Variants in CAST observed in about 807,000 individuals in gnomAD.
The protein encoded by CAST is MIR583 host.
Under a neutral mutation model 119.6 loss-of-function variants are expected in CAST, and 76 were observed. That is an observed-to-expected ratio of 0.64 (90% confidence interval 0.53 to 0.77). CAST has a LOEUF of 0.77. Ranked by LOEUF, CAST falls within the 30% of genes least tolerant of loss-of-function variation. The probability of loss-of-function intolerance (pLI) is 0.00; values close to 1 mark genes in which losing one functional copy is unlikely to be tolerated. For missense variants in CAST, 953 were observed against 946.5 expected (o/e 1.01, Z -0.09); for synonymous variants, 319 against 331.6 (o/e 0.96, Z 0.41).
At chr5:96,210,944 TATTTTTA>T in the CAST span, among the ~76,000 whole-genome samples, 1 of 152,026 alleles carries the variant, frequency 6.6e-6, no homozygotes, top group Non-Finnish European at 1.5e-5. Context: ...TTGTAAGTTG[TATTTTTA>T]ATTTTGGTGT....
chr5:96,694,454 G>A (rs547146807), intron 2 of CAST, among the ~76,000 whole-genome samples: 6 of 152,154 alleles, frequency 3.9e-5, no homozygotes, highest in South Asian at 2.1e-4. Context: ...TGGCTAACAC[G>A]CTGAAACCCT....
the CAST span, among the ~76,000 whole-genome samples, chr5:96,216,310 AC>A: frequency 6.6e-6 from 1 of 151,944 alleles, no homozygotes; most frequent in Non-Finnish European, 1.5e-5. Context: ...AGCTCCCCTA[AC>A]CCCCACATTG....
the CAST span, among the ~76,000 whole-genome samples, chr5:96,339,763 C>T: frequency 6.6e-6 from 1 of 152,172 alleles, no homozygotes; most frequent in African/African-American, 2.4e-5. Flanking sequence ...AGGACAGGAA[C>T]TCTTCTGTGT....
intron 3 of CAST, among the ~76,000 whole-genome samples, chr5:96,706,700 T>G (rs1479373709): frequency 1.3e-5 from 2 of 152,204 alleles, no homozygotes; most frequent in Admixed American, 1.3e-4. Context: ...ATGCATTATT[T>G]TCTTAATCTC....
the CAST span, among the ~76,000 whole-genome samples, chr5:96,010,715 T>C: frequency 6.6e-6 from 1 of 152,366 alleles, no homozygotes; most frequent in Admixed American, 6.5e-5. Flanking sequence ...TTAAACAATA[T>C]TGATTCTTCC....
the CAST span, among the ~76,000 whole-genome samples, chr5:96,484,151 T>C: frequency 1.3e-5 from 2 of 152,298 alleles, no homozygotes; most frequent in Non-Finnish European, 2.9e-5. Context: ...CCTTTTTACA[T>C]GACCACAACT....
the CAST span, among the ~76,000 whole-genome samples, chr5:96,075,486 T>C: frequency 6.6e-6 from 1 of 152,146 alleles, no homozygotes; most frequent in Non-Finnish European, 1.5e-5. Context: ...TGTAATTAAT[T>C]TGTGACTAAG....
chr5:96,425,125 G>A, the CAST span, among the ~76,000 whole-genome samples: 1 of 152,052 alleles, frequency 6.6e-6, no homozygotes, highest in African/African-American at 2.4e-5. Flanking sequence ...TATGCAACAA[G>A]AGTATCAAAG....
chr5:96,106,043 C>T, the CAST span, among the ~76,000 whole-genome samples: 1 of 152,206 alleles, frequency 6.6e-6, no homozygotes, highest in Non-Finnish European at 1.5e-5. Flanking sequence ...GTAGCATTCT[C>T]TGATGGTAGT....
chr5:96,330,647 C>A, the CAST span, among the ~76,000 whole-genome samples: 1 of 152,204 alleles, frequency 6.6e-6, no homozygotes, highest in Non-Finnish European at 1.5e-5. Context: ...CGCTCTAAAG[C>A]TTCCCTTGAC....
the CAST span, chr5:96,391,372 A>G: frequency 6.6e-6 from 1 of 152,222 alleles, no homozygotes; most frequent in African/African-American, 2.4e-5. Flanking sequence ...AAAAATTGCA[A>G]ACAGCAAACT....
intron 1 of CAST, among the ~76,000 whole-genome samples, chr5:96,643,170 T>C (rs1747974138): frequency 6.6e-6 from 1 of 152,198 alleles, no homozygotes; most frequent in South Asian, 2.1e-4. Flanking sequence ...GCAAGACACC[T>C]TGAGAGTAGG....
chr5:96,410,848 G>T, the CAST span: 1 of 1,614,058 alleles, frequency 6.2e-7, no homozygotes, highest in Non-Finnish European at 8.5e-7. Context: ...GCGTACCAGG[G>T]GGATAGGCCT....
At chr5:96,458,804 A>G in the CAST span, among the ~76,000 whole-genome samples, 1 of 152,120 alleles carries the variant, frequency 6.6e-6, no homozygotes, top group Non-Finnish European at 1.5e-5. Flanking sequence ...CAATAAGCTG[A>G]TAAGAGTCTA....
At chr5:96,382,181 T>A in the CAST span, among the ~76,000 whole-genome samples, 1 of 152,334 alleles carries the variant, frequency 6.6e-6, no homozygotes, top group East Asian at 1.9e-4. Flanking sequence ...ATTTCCTCTT[T>A]CCATAGGATT....
At chr5:96,160,358 T>A in the CAST span, among the ~76,000 whole-genome samples, 1 of 152,094 alleles carries the variant, frequency 6.6e-6, no homozygotes, top group East Asian at 1.9e-4. Flanking sequence ...ACCAGACTCA[T>A]ACAACATGTA....
chr5:95,961,630 T>A, the CAST span: 1 of 1,609,258 alleles, frequency 6.2e-7, no homozygotes, highest in Non-Finnish European at 8.5e-7. Flanking sequence ...GAGCTTCACA[T>A]GCAGTACGGT....
chr5:96,562,449 A>C (rs1746396058), intron 1 of CAST, among the ~76,000 whole-genome samples: 1 of 152,180 alleles, frequency 6.6e-6, no homozygotes, highest in East Asian at 1.9e-4. Flanking sequence ...TGCCTCTCAA[A>C]CTGAGTACTA....
rs770505770 is a variant in CAST at position 96,747,366 on chromosome 5, T to C, written c.1306T>C (p.Leu436=). Residue 436 remains leucine (L), a synonymous_variant, in exon 18 of 32, where the codon TTG becomes CTG. Coordinates refer to ENST00000675179, the MANE Select transcript of CAST (RefSeq NM_001750.7). Reference sequence around the variant, plus strand: ...ACAGGATAAAGATGGAAAACCACTATTGCCAGAGCCTGAAGAAAAACCCAA... The same window carrying C: ...ACAGGATAAAGATGGAAAACCACTACTGCCAGAGCCTGAAGAAAAACCCAA... ...PATDKDGKPL[L]PEPEEKPKPR... is the part of the protein sequence containing the mutation. 2 of 1,598,112 alleles carry C rather than the reference T, an allele frequency of 1.3e-6. No homozygotes were observed. Among genetic ancestry groups the C allele is most frequent in the Non-Finnish European group, 1.7e-6 (2 of 1,166,362 alleles).
Sources: allele counts gnomAD v4.1 joint callset (sites outside exome capture counted in the v4.1 genomes callset), GRCh38; gene constraint gnomAD v4.1.1; transcripts MANE v1.5; gene names NCBI Gene and HGNC (gene_info 2026-07-23, HGNC 2026-07-21).